CSMD3: variants seen among roughly 807,000 people sequenced by gnomAD.
CSMD3 encodes the protein CUB and Sushi multiple domains 3, also known as CUB and sushi domain-containing protein 3.
A neutral mutation model predicts 435.2 loss-of-function variants in CSMD3; 177 were observed. The ratio of observed to expected loss-of-function variants is 0.41; its 90% confidence interval spans 0.36 to 0.46. The LOEUF (loss-of-function observed/expected upper bound fraction) is 0.46. CSMD3 is among the 20% of genes least tolerant of loss of function. The pLI, the probability that CSMD3 is intolerant of heterozygous loss-of-function variation, is 0.34. For missense variants in CSMD3, 4,265 were observed against 4,504.6 expected, an observed-to-expected ratio of 0.95 and a Z score of 1.52; for synonymous variants, 1,656 against 1,520.5, an observed-to-expected ratio of 1.09 and a Z score of -2.07.
At chr8:112,512,854 T>C (rs1298001096) in intron 28 of CSMD3, among the ~76,000 whole-genome samples, 1 of 152,200 alleles carries the variant, frequency 6.6e-6, no homozygotes, top group Admixed American at 6.5e-5. Context: ...TAGCTAGATC[T>C]TCTGGGTAAC....
At chr8:113,036,325 C>A (rs931789258) in intron 5 of CSMD3, among the ~76,000 whole-genome samples, 7 of 151,932 alleles carry the variant, frequency 4.6e-5, no homozygotes, top group Admixed American at 4.6e-4. Context: ...ATTCTAAGCA[C>A]AATATATGAA....
chr8:112,690,800 A>C (rs2131829430), intron 13 of CSMD3, among the ~76,000 whole-genome samples: 2 of 152,264 alleles, frequency 1.3e-5, no homozygotes, highest in Middle Eastern at 3.4e-3. Context: ...TGTTAGCAGT[A>C]AATTATTGTG....
At chr8:112,284,387 A>C (rs1426571133) in intron 58 of CSMD3, among the ~76,000 whole-genome samples, 1 of 151,850 alleles carries the variant, frequency 6.6e-6, no homozygotes, top group Non-Finnish European at 1.5e-5. Flanking sequence ...TAAAGAGTAA[A>C]AATACCAATA....
chr8:112,982,919 A>G (rs2085107012), intron 6 of CSMD3, among the ~76,000 whole-genome samples: 1 of 152,032 alleles, frequency 6.6e-6, no homozygotes, highest in African/African-American at 2.4e-5. Flanking sequence ...TGCAAAACAC[A>G]CTTATAACAT....
intron 10 of CSMD3, among the ~76,000 whole-genome samples, chr8:112,869,399 T>G (rs2081069922): frequency 6.6e-6 from 1 of 152,214 alleles, no homozygotes; most frequent in Non-Finnish European, 1.5e-5. Flanking sequence ...AATGTTTTTA[T>G]TATTTATTGA....
intron 24 of CSMD3, among the ~76,000 whole-genome samples, chr8:112,560,315 A>C (rs1828504889): frequency 6.6e-6 from 1 of 151,574 alleles, no homozygotes; most frequent in Non-Finnish European, 1.5e-5. Context: ...ATTTGCAATG[A>C]TTGTTTCTTT....
intron 3 of CSMD3, among the ~76,000 whole-genome samples, chr8:113,228,058 AT>A (rs2093047452): frequency 6.6e-6 from 1 of 151,406 alleles, no homozygotes; most frequent in Admixed American, 6.6e-5. Flanking sequence ...ATCATGTTAT[AT>A]TTTGCCTTGT....
chr8:112,776,780 G>T (rs1341144092), intron 13 of CSMD3, among the ~76,000 whole-genome samples: 1 of 151,692 alleles, frequency 6.6e-6, no homozygotes, highest in Admixed American at 6.6e-5. Flanking sequence ...ATTTCCCTCA[G>T]AAGTTTCTAT....
At chr8:112,656,131 C>A (rs1246075575) in intron 18 of CSMD3, 23 bp downstream of exon 18, 3 of 1,350,600 alleles carry the variant, frequency 2.2e-6, no homozygotes, top group East Asian at 2.3e-5. Flanking sequence ...ATGAGGAAAT[C>A]AAAAAGTTTT....
chr8:112,674,426 T>C (rs1051094497), intron 16 of CSMD3, among the ~76,000 whole-genome samples: 4 of 152,078 alleles, frequency 2.6e-5, no homozygotes, highest in Non-Finnish European at 4.4e-5. Context: ...AATGAGTTGT[T>C]TGCAAAGGCC....
chr8:113,278,448 T>G (rs1179041586), intron 3 of CSMD3, 144 bp downstream of exon 3: 4 of 649,558 alleles, frequency 6.2e-6, no homozygotes, highest in Non-Finnish European at 1.1e-5. Context: ...TTACTATACA[T>G]TAATGATTAA....
At chr8:112,782,053 C>T (rs1002124306) in intron 13 of CSMD3, among the ~76,000 whole-genome samples, 13 of 152,076 alleles carry the variant, frequency 8.5e-5, no homozygotes, top group African/African-American at 2.9e-4. Flanking sequence ...CATCCACAAA[C>T]ATCAAGACCA....
At chr8:112,806,214 G>A (rs568354301) in intron 12 of CSMD3, among the ~76,000 whole-genome samples, 2 of 152,176 alleles carry the variant, frequency 1.3e-5, no homozygotes, top group Non-Finnish European at 2.9e-5. Flanking sequence ...CTGAAGAAGT[G>A]TTCCAATTAA....
chr8:112,540,713 T>C (rs1047855073), intron 27 of CSMD3, among the ~76,000 whole-genome samples: 2 of 151,902 alleles, frequency 1.3e-5, no homozygotes, highest in Admixed American at 1.3e-4. Flanking sequence ...CACTTATATA[T>C]GGGGGCTAAC....
intron 22 of CSMD3, among the ~76,000 whole-genome samples, chr8:112,600,363 A>T (rs1177455175): frequency 6.6e-6 from 1 of 152,166 alleles, no homozygotes; most frequent in Non-Finnish European, 1.5e-5. Flanking sequence ...TTTTTTGAAT[A>T]CTGCATATTG....
Position 112,503,873 on chromosome 8 carries a change from A to C in CSMD3, c.5000T>G (p.Ile1667Arg), listed in dbSNP as rs1248060954. 1.2e-6 allele frequency: 2 copies of C among 1,613,186 alleles called. No individual in the cohort carries two copies. Among genetic ancestry groups the C allele is most frequent in the Non-Finnish European group, 1.7e-6 (2 of 1,179,392 alleles). The part of the protein sequence containing the change: ...SFQDSKLPER[I>R]ESSSNTMHLA... ...ATGCATTGTATTTGAGCTGCTTTCT[A>C]TTCTCTCTGGTAACTTGCTGTCTTG... Residue 1667 changes from isoleucine (I) to arginine (R), a missense_variant, in exon 30 of 71, where the codon ATA (isoleucine) becomes AGA (arginine). Physicochemically the swap from Ile to Arg is moderately conservative, Grantham distance 97. Coordinates refer to ENST00000297405, the MANE Select transcript of CSMD3 (RefSeq NM_198123.2).
intron 20 of CSMD3, among the ~76,000 whole-genome samples, chr8:112,641,658 G>A (rs117069010): frequency 6.6e-6 from 1 of 151,952 alleles, no homozygotes; most frequent in East Asian, 1.9e-4. Context: ...GAAACATGGT[G>A]GAATCCCAAC....
At chr8:112,618,343 G>A (rs940675040) in intron 22 of CSMD3, among the ~76,000 whole-genome samples, 1 of 151,956 alleles carries the variant, frequency 6.6e-6, no homozygotes, top group Non-Finnish European at 1.5e-5. Flanking sequence ...ATATAAATAT[G>A]GTTATTAAGC....
chr8:113,403,883 C>T (rs907511687), intron 1 of CSMD3, among the ~76,000 whole-genome samples: 1 of 151,264 alleles, frequency 6.6e-6, no homozygotes, highest in Non-Finnish European at 1.5e-5. Context: ...TCATGTATGG[C>T]CAAATCGTAT....
Sources: allele counts gnomAD v4.1 joint callset (sites outside exome capture counted in the v4.1 genomes callset), GRCh38; gene constraint gnomAD v4.1.1; transcripts MANE v1.5; gene names NCBI Gene and HGNC (gene_info 2026-07-23, HGNC 2026-07-21).